Variants in TJP1 observed in about 807,000 individuals in gnomAD.
TJP1 encodes the protein tight junction protein ZO-1.
Under a neutral mutation model 194.2 loss-of-function variants are expected in TJP1, and 43 were observed. The observed-to-expected ratio is 0.22, with a 90% CI of 0.17 to 0.29. The LOEUF (loss-of-function observed/expected upper bound fraction) is 0.29, where lower values mean the gene tolerates loss of function less well. TJP1 is among the 10% of genes least tolerant of loss of function. The probability of loss-of-function intolerance (pLI) is 1.00; values close to 1 mark genes in which losing one functional copy is unlikely to be tolerated. For synonymous variants in TJP1, 801 were observed against 779.0 expected (o/e 1.03, Z -0.47); for missense variants, 1,971 against 2,185.7 (o/e 0.90, Z 1.96).
At chr15:29,725,493 G>C (rs144687807) in intron 18 of TJP1, among the ~76,000 whole-genome samples, 78 of 151,426 alleles carry the variant, frequency 5.2e-4, no homozygotes, top group African/African-American at 1.8e-3. Context: ...GAAGTACAAA[G>C]AACAAAATAA....
At chr15:29,851,013 C>G (rs1476871791) in intron 2 of TJP1, among the ~76,000 whole-genome samples, 2 of 152,156 alleles carry the variant, frequency 1.3e-5, no homozygotes, top group East Asian at 3.9e-4. Flanking sequence ...TGGCATGTGC[C>G]CGTAATTCCA....
intron 10 of TJP1, among the ~76,000 whole-genome samples, chr15:29,740,428 C>T (rs2044334022): frequency 6.6e-6 from 1 of 151,936 alleles, no homozygotes; most frequent in Non-Finnish European, 1.5e-5. Context: ...GACTTTTAGA[C>T]CAGCCTGGGC....
intron 17 of TJP1, 130 bp downstream of exon 17, chr15:29,726,651 G>C (rs574270320): frequency 3.8e-5 from 43 of 1,140,070 alleles, no homozygotes; most frequent in South Asian, 2.2e-4. Context: ...AACAGCAGGT[G>C]TTAACACAAC....
Position 29,726,949 on chromosome 15 carries a change from G to A in TJP1, c.2143C>T (p.Arg715Cys), listed in dbSNP as rs771953868. 20 of 1,614,004 alleles carry A rather than the reference G, an allele frequency of 1.2e-5. No individual in the cohort carries two copies. The highest frequency in any genetic ancestry group is 2.2e-5 in the South Asian group (2 of 91,078). The change falls in exon 17 of 28, where the codon CGT becomes TGT. Residue 715 changes from arginine to cysteine, a missense_variant. Around this residue, in one of 5 missense-constraint regions of TJP1, gnomAD observed 402 missense variants for 484.2 expected, o/e 0.83. Coordinates refer to ENST00000614355, the MANE Select transcript of TJP1 (RefSeq NM_001330239.4). ...GGATACCACTGGGCATAGTTAAGACGATCAACTGCATTTGGTGTTACATCT... is the reference window on the plus strand; with the variant it reads ...GGATACCACTGGGCATAGTTAAGACAATCAACTGCATTTGGTGTTACATCT... ...LLDVTPNAVDRLNYAQWYPIV... is the reference protein window; with the variant it reads ...LLDVTPNAVDCLNYAQWYPIV...
At position 29,822,436 on chromosome 15, in the gene TJP1, T is replaced by TGGCTCAGCCGGCGCCGGC; in HGVS notation, c.-426_-409dup. On this transcript the variant is annotated 5_prime_UTR_variant, in exon 1 of 28. Coordinates refer to ENST00000614355, the MANE Select transcript of TJP1 (RefSeq NM_001330239.4). ...GGCCGCCAAGGAACGCGGCGTCCGCTGGCTCAGCCGGCGCCGGCAACTCAG... is the reference window on the plus strand; with the variant it reads ...GGCCGCCAAGGAACGCGGCGTCCGCTGGCTCAGCCGGCGCCGGCGGCTCAGCCGGCGCCGGCAACTCAG... 1.0e-6 allele frequency: 1 copy of TGGCTCAGCCGGCGCCGGC among 987,700 alleles called. No individual in the cohort carries two copies. 61.2% of individuals were successfully genotyped at this position (987,700 alleles called of 1,614,324 possible).
chr15:29,716,897 G>A (rs1271066208), intron 22 of TJP1, 59 bp from the exon 23 acceptor site: 2 of 1,405,342 alleles, frequency 1.4e-6, no homozygotes, highest in East Asian at 2.3e-5. Flanking sequence ...TATGAAGGAA[G>A]TAGAATATGT....
intron 2 of TJP1, among the ~76,000 whole-genome samples, chr15:29,931,155 A>C (rs1337902181): frequency 6.6e-6 from 1 of 152,224 alleles, no homozygotes; most frequent in African/African-American, 2.4e-5. Context: ...TTGTTAAAAA[A>C]ATCATATAGA....
At position 29,718,349 on chromosome 15, in the gene TJP1, G is replaced by A. The variant is rs772385105; in HGVS notation, c.3793C>T (p.Leu1265Phe). Residue 1265 changes from leucine (L) to phenylalanine (F), a missense_variant, in exon 21 of 28, where the codon CTC (leucine) becomes TTC (phenylalanine). Around this residue, in one of 5 missense-constraint regions of TJP1, gnomAD observed 1,108 missense variants for 1,128.5 expected, o/e 0.98. Transcript: ENST00000614355. The stretch of plus-strand genomic sequence containing the variant: ...TTTTCAAACATCTTAACTCTGGTGA[G>A]TACAGACTGTGGCTTCATTGCTGGA... ...EDPAMKPQSV[L>F]TRVKMFENKR... The A allele has an allele frequency of 1.9e-6, 3 of 1,614,106 alleles. No individual in the cohort carries two copies. The South Asian group carries it at 3.3e-5, about 18-fold the overall frequency.
Position 29,716,772 on chromosome 15 carries a change from G to T in TJP1, c.4041C>A (p.Asp1347Glu), listed in dbSNP as rs1335309956. 1.9e-6 allele frequency: 3 copies of T among 1,613,972 alleles called. No individual in the cohort carries two copies. Among genetic ancestry groups the T allele is most frequent in the African/African-American group, 1.3e-5 (1 of 74,906 alleles). Residue 1347 changes from aspartate (D) to glutamate (E), a missense_variant, in exon 23 of 28, where the codon GAC (aspartate) becomes GAA (glutamate). This residue lies in a region of TJP1 where 1,108 missense variants were observed against 1,128.5 expected (regional missense o/e 0.98). Coordinates refer to ENST00000614355, the MANE Select transcript of TJP1 (RefSeq NM_001330239.4). ...PEDIVRSNHY[D>E]PEEDEEYYRK... The stretch of plus-strand genomic sequence containing the variant: ...GATAATATTCTTCATCTTCTTCAGG[G>T]TCATAATGATTGGACCGAACAATAT...
At chr15:29,751,985 C>T (rs1172083585) in intron 8 of TJP1, among the ~76,000 whole-genome samples, 1 of 152,068 alleles carries the variant, frequency 6.6e-6, no homozygotes, top group Non-Finnish European at 1.5e-5. Flanking sequence ...AGTTCAGTGG[C>T]GTGATCATGG....
At chr15:29,809,530 T>G (rs556406653) in intron 1 of TJP1, among the ~76,000 whole-genome samples, 4 of 152,066 alleles carry the variant, frequency 2.6e-5, no homozygotes, top group African/African-American at 9.7e-5. Flanking sequence ...TCAAGGAAAG[T>G]TGACATTTAA....
Position 29,709,045 on chromosome 15 carries a change from C to G in TJP1, c.4373-9G>C. 4 of 1,595,478 alleles carry G rather than the reference C, an allele frequency of 2.5e-6. No homozygotes were observed. The South Asian group carries it at 4.5e-5, about 18-fold the overall frequency. ...CAATGACACTGAATTACCTGAAAAA[C>G]AAACGTAAGCATTTAAATAACTTTC... On this transcript the variant is annotated splice_polypyrimidine_tract_variant and intron_variant, in intron 24 of 27. Coordinates refer to ENST00000614355, the MANE Select transcript of TJP1 (RefSeq NM_001330239.4).
At chr15:29,899,562 A>G (rs1217895565) in intron 2 of TJP1, among the ~76,000 whole-genome samples, 1 of 152,192 alleles carries the variant, frequency 6.6e-6, no homozygotes, top group Non-Finnish European at 1.5e-5. Flanking sequence ...GGCCTGTCTC[A>G]CCAGGTGTGT....
chr15:29,849,670 C>T (rs903103324), intron 2 of TJP1, among the ~76,000 whole-genome samples: 9 of 149,028 alleles, frequency 6.0e-5, no homozygotes, highest in African/African-American at 1.7e-4. Context: ...ACCCGGGAGT[C>T]GGAGGTTCGG....
intron 2 of TJP1, among the ~76,000 whole-genome samples, chr15:29,937,959 T>G (rs560131897): frequency 6.6e-6 from 1 of 152,258 alleles, no homozygotes; most frequent in Non-Finnish European, 1.5e-5. Flanking sequence ...TTACCAATCT[T>G]ACTGTATCTC....
chr15:29,963,856 G>A (rs1336400418), intron 1 of TJP1, among the ~76,000 whole-genome samples: 2 of 152,068 alleles, frequency 1.3e-5, no homozygotes. Flanking sequence ...GTTTCACCAT[G>A]TTGGCCAGGA....
intron 2 of TJP1, among the ~76,000 whole-genome samples, chr15:29,889,376 T>A (rs1051375225): frequency 6.6e-6 from 1 of 152,238 alleles, no homozygotes; most frequent in African/African-American, 2.4e-5. Flanking sequence ...TTAAAATATA[T>A]GAAACCTACA....
chr15:29,901,976 G>T (rs1351701847), intron 2 of TJP1, among the ~76,000 whole-genome samples: 1 of 151,984 alleles, frequency 6.6e-6, no homozygotes, highest in Non-Finnish European at 1.5e-5. Context: ...TTAGTAAGAT[G>T]AAATAAAAGG....
chr15:29,809,807 T>C (rs916440421), intron 1 of TJP1, among the ~76,000 whole-genome samples: 6 of 151,786 alleles, frequency 4.0e-5, no homozygotes, highest in Non-Finnish European at 1.5e-5. Context: ...GGTCATGCCA[T>C]TGCACTCCAG....
Sources: gnomAD v4.1 joint callset for allele counts (sites outside exome capture counted in the v4.1 genomes callset) on GRCh38, gnomAD v4.1.1 for gene constraint, gnomAD v4.1.1 regional missense constraint, MANE v1.5 for transcripts, NCBI Gene and HGNC (gene_info 2026-07-23, HGNC 2026-07-21) for gene names.